GRB14: variants seen among roughly 807,000 people sequenced by gnomAD.
GRB14 encodes the protein growth factor receptor-bound protein 14.
In GRB14, 38 loss-of-function variants were observed where a neutral mutation model predicts 69.1. That is an observed-to-expected ratio of 0.55 (90% CI 0.42 to 0.72). GRB14 has a LOEUF of 0.72. Ranked by LOEUF, GRB14 falls within the 30% of genes least tolerant of loss-of-function variation. GRB14 has a pLI of 0.00. For missense variants in GRB14, 666 were observed against 666.1 expected (o/e 1.00, Z 0.00); for synonymous variants, 247 against 241.3 (o/e 1.02, Z -0.22).
intron 2 of GRB14, among the ~76,000 whole-genome samples, chr2:164,602,776 C>T (rs1210183054): frequency 3.9e-5 from 6 of 152,144 alleles, no homozygotes; most frequent in African/African-American, 1.4e-4. Context: ...TTGTGGAACA[C>T]TAATAATGTA....
intron 2 of GRB14, among the ~76,000 whole-genome samples, chr2:164,605,154 C>T (rs1204745459): frequency 6.6e-6 from 1 of 152,042 alleles, no homozygotes; most frequent in Non-Finnish European, 1.5e-5. Context: ...ATGATTTGAC[C>T]TGAGCTGTTG....
chr2:164,493,107 C>T lies in GRB14; in HGVS notation c.1552G>A (p.Glu518Lys). ...ACGCCCTTATTGAGTTGATAGAACT[C>T]CACCAGCTGTATTAGATCTGTAAAT... ...TRFTDLIQLV[E>K]FYQLNKGVLP... Residue 518 changes from glutamate to lysine, a missense_variant, in exon 14 of 14, where the codon GAG (glutamate) becomes AAG (lysine). Coordinates refer to ENST00000263915, the MANE Select transcript of GRB14 (RefSeq NM_004490.3). The T allele has an allele frequency of 6.2e-7, 1 of 1,613,534 alleles. No individual in the cohort carries two copies.
rs1004103090 is a variant in GRB14, at chr2:164,508,529, G to T, written c.949C>A (p.Arg317=). The change falls in exon 8 of 14, where the codon CGA becomes AGA. Residue 317 remains arginine (R), a synonymous_variant. Coordinates refer to ENST00000263915, the MANE Select transcript of GRB14 (RefSeq NM_004490.3). Reference sequence around the variant, plus strand: ...TCTGCACAGAGCATTTTCAGGTCTCGGGGCCCTCCCGCTTTGTTAGGCTAG... The same window carrying T: ...TCTGCACAGAGCATTTTCAGGTCTCTGGGCCCTCCCGCTTTGTTAGGCTAG... ...CFKPNKAGGP[R]DLKMLCAEEE... is the part of the protein sequence containing the mutation. The T allele has an allele frequency of 6.2e-7, 1 of 1,613,916 alleles. No individual in the cohort carries two copies.
At chr2:164,510,688 A>G (rs1687316893) in intron 6 of GRB14, among the ~76,000 whole-genome samples, 1 of 152,170 alleles carries the variant, frequency 6.6e-6, no homozygotes, top group South Asian at 2.1e-4. Context: ...CTAAGAACCA[A>G]AATCAGATGA....
At chr2:164,588,869 A>G (rs1174705423) in intron 2 of GRB14, among the ~76,000 whole-genome samples, 1 of 152,228 alleles carries the variant, frequency 6.6e-6, no homozygotes, top group Non-Finnish European at 1.5e-5. Context: ...ATAGTTTTAA[A>G]TACTCAGCTT....
intron 2 of GRB14, chr2:164,574,030 T>C (rs938343152): frequency 6.6e-6 from 9 of 1,373,624 alleles, no homozygotes; most frequent in Non-Finnish European, 9.3e-6. Context: ...ACATAGATTG[T>C]TGCAGCAATA....
intron 3 of GRB14, among the ~76,000 whole-genome samples, chr2:164,537,277 G>A (rs1688103821): frequency 6.6e-6 from 1 of 152,052 alleles, no homozygotes; most frequent in Non-Finnish European, 1.5e-5. Flanking sequence ...AAAAGGCTGG[G>A]GTTTTACTTT....
intron 3 of GRB14, among the ~76,000 whole-genome samples, chr2:164,528,476 C>T (rs956954989): frequency 2.0e-5 from 3 of 151,978 alleles, no homozygotes; most frequent in African/African-American, 7.2e-5. Context: ...GATTTGTGAC[C>T]TACAACACCC....
intron 2 of GRB14, chr2:164,573,899 T>C: frequency 6.2e-7 from 1 of 1,612,438 alleles, no homozygotes; most frequent in South Asian, 1.1e-5. Context: ...TGATTCTAAA[T>C]TAGGTCATGT....
At chr2:164,582,043 T>C (rs755333848) in intron 2 of GRB14, among the ~76,000 whole-genome samples, 6 of 152,326 alleles carry the variant, frequency 3.9e-5, no homozygotes, top group South Asian at 2.1e-4. Flanking sequence ...TAACAATTTA[T>C]AGAAAGATGT....
intron 2 of GRB14, among the ~76,000 whole-genome samples, chr2:164,563,800 T>C (rs1442842343): frequency 6.6e-6 from 1 of 152,172 alleles, no homozygotes; most frequent in African/African-American, 2.4e-5. Context: ...ACAAAACATT[T>C]TAAAGATTTC....
At chr2:164,530,239 C>T (rs965253142) in intron 3 of GRB14, among the ~76,000 whole-genome samples, 18 of 152,170 alleles carry the variant, frequency 1.2e-4, no homozygotes, top group Non-Finnish European at 2.1e-4. Context: ...GCGTGTCACA[C>T]GGCAAGAGAC....
At position 164,494,539 on chromosome 2, in the gene GRB14, G is replaced by A. The variant is rs750785131; in HGVS notation, c.1383-15C>T. ...CCAAGAAAACTCTAAAGAGAGAGAA[G>A]GAATTTCAATGTTTCTATATTTACT... On this transcript the variant is annotated splice_polypyrimidine_tract_variant and intron_variant, in intron 12 of 13. Transcript: ENST00000263915. 1.6e-6 allele frequency: 2 copies of A among 1,279,810 alleles called. No individual in the cohort carries two copies. 79.3% of individuals were successfully genotyped at this position (1,279,810 alleles called of 1,614,324 possible). A position where few individuals can be genotyped will look rare whatever the true frequency, so the allele number is the denominator to read the frequency against.
intron 2 of GRB14, among the ~76,000 whole-genome samples, chr2:164,584,147 A>ATTTTTTT (rs55883951): frequency 7.6e-3 from 382 of 49,956 alleles, no homozygotes; most frequent in Non-Finnish European, 8.4e-3. Flanking sequence ...CAGCCTGGCT[A>ATTTTTTT]TTTTTTTTTT....
chr2:164,543,848 C>T (rs892039736), intron 3 of GRB14, among the ~76,000 whole-genome samples: 3 of 152,094 alleles, frequency 2.0e-5, no homozygotes, highest in Non-Finnish European at 4.4e-5. Context: ...AAACAAAAAA[C>T]ATTTTAAAGA....
At position 164,492,630 on chromosome 2, in the gene GRB14, A is replaced by G. The variant is rs528515230; in HGVS notation, c.*406T>C. On this transcript the variant is annotated 3_prime_UTR_variant, in exon 14 of 14. Coordinates refer to ENST00000263915, the MANE Select transcript of GRB14 (RefSeq NM_004490.3). ...ATAAGTTATTATCATATTTCTTAAC[A>G]TTAAAAAATAGTATAATTGAAATTT... 1.9e-3 allele frequency among the ~76,000 whole-genome samples: 288 copies of G among 152,184 alleles called. 1 individual carries two copies. The highest frequency in any genetic ancestry group is 6.7e-3 in the African/African-American group (279 of 41,574).
At chr2:164,615,548 G>T (rs1180242584) in intron 2 of GRB14, among the ~76,000 whole-genome samples, 2 of 152,096 alleles carry the variant, frequency 1.3e-5, no homozygotes, top group Non-Finnish European at 2.9e-5. Context: ...TCCTAAAAAG[G>T]GACTGTCAAA....
intron 2 of GRB14, among the ~76,000 whole-genome samples, chr2:164,555,199 G>C (rs183323600): frequency 2.6e-4 from 40 of 152,354 alleles, no homozygotes; most frequent in African/African-American, 8.4e-4. Flanking sequence ...GATGGCATGG[G>C]ATAGCCAGAT....
intron 2 of GRB14, among the ~76,000 whole-genome samples, chr2:164,583,403 T>C (rs1267889600): frequency 6.6e-6 from 1 of 152,170 alleles, no homozygotes; most frequent in African/African-American, 2.4e-5. Flanking sequence ...AAAAAGTAAA[T>C]ATACTGCTAA....
Sources: allele counts gnomAD v4.1 joint callset (sites outside exome capture counted in the v4.1 genomes callset), GRCh38; gene constraint gnomAD v4.1.1; transcripts MANE v1.5; gene names NCBI Gene and HGNC (gene_info 2026-07-23, HGNC 2026-07-21).